TRPM8: variants seen among roughly 807,000 people sequenced by gnomAD.
TRPM8 encodes TRPM8 cationic channel.
A neutral mutation model predicts 133.7 loss-of-function variants in TRPM8; 110 were observed. That is an observed-to-expected ratio of 0.82 (90% CI 0.70 to 0.96). The LOEUF (loss-of-function observed/expected upper bound fraction) is 0.96. Ranked by LOEUF, TRPM8 falls within the 40% of genes least tolerant of loss-of-function variation. The pLI is 0.00. For missense variants in TRPM8, 1,291 were observed against 1,379.5 expected, an observed-to-expected ratio of 0.94 and a Z score of 1.02; for synonymous variants, 535 against 532.3, an observed-to-expected ratio of 1.01 and a Z score of -0.07.
At chr2:233,965,057 G>T (rs1388661058) in intron 14 of TRPM8, among the ~76,000 whole-genome samples, 4 of 126,722 alleles carry the variant, frequency 3.2e-5, no homozygotes, top group Non-Finnish European at 4.6e-5. Context: ...TTTTTGTGGG[G>T]GGGGGGGGTG....
chr2:233,977,004 A>G (rs1691887958), intron 17 of TRPM8, among the ~76,000 whole-genome samples: 1 of 152,136 alleles, frequency 6.6e-6, no homozygotes, highest in Non-Finnish European at 1.5e-5. Context: ...AAAAAAAGAA[A>G]AAAGAACCCA....
At chr2:233,936,891 C>CTTTTT (rs5839499) in intron 3 of TRPM8, among the ~76,000 whole-genome samples, 5 of 101,318 alleles carry the variant, frequency 4.9e-5, no homozygotes, top group African/African-American at 1.2e-4. Context: ...TCTTTCTTTC[C>CTTTTT]TTTTTTTTTT....
At chr2:233,985,622 G>A in intron 20 of TRPM8, 66 bp from the exon 21 acceptor site, 3 of 1,471,710 alleles carry the variant, frequency 2.0e-6, no homozygotes, top group Non-Finnish European at 2.8e-6. Context: ...TTGTGGCCCT[G>A]GGAATGCCAT....
At chr2:234,007,070 C>T (rs1692712625) in intron 23 of TRPM8, 118 bp downstream of exon 23, 1 of 666,408 alleles carries the variant, frequency 1.5e-6, no homozygotes, top group African/African-American at 1.8e-5. Flanking sequence ...AGAATAATAC[C>T]ACCACAAAGA....
chr2:233,955,686 A>G (rs1032206647), intron 11 of TRPM8, among the ~76,000 whole-genome samples: 1 of 152,028 alleles, frequency 6.6e-6, no homozygotes, highest in African/African-American at 2.4e-5. Context: ...TGATTAGAGA[A>G]CCGTCCGTAG....
chr2:233,957,040 T>A (rs1157687049), intron 11 of TRPM8, among the ~76,000 whole-genome samples: 2 of 152,204 alleles, frequency 1.3e-5, no homozygotes, highest in Non-Finnish European at 2.9e-5. Flanking sequence ...AGCCAGCCCA[T>A]CTGCATGACT....
At position 234,005,843 on chromosome 2, in the gene TRPM8, TGAGGTTGCAGGGAGGCA is replaced by T. The variant is rs1356529169; in HGVS notation, c.3131-999_3131-983del. ...GGAGAATCGCTTGAACCTAGGAGGC[TGAGGTTGCAGGGAGGCA>T]GAGGTTGCAGTGAGCCGAGATTGCA... On this transcript the variant is annotated intron_variant, in intron 22 of 25. Transcript: ENST00000324695. Among the ~76,000 whole-genome samples the T allele has an allele frequency of 2.6e-5, 4 of 151,250 alleles. No homozygotes were observed. The South Asian group carries it at 6.3e-4, about 24-fold the overall frequency.
chr2:234,009,667 C>G (rs1444090588), intron 24 of TRPM8, among the ~76,000 whole-genome samples: 1 of 152,132 alleles, frequency 6.6e-6, no homozygotes, highest in Admixed American at 6.6e-5. Context: ...CTTGCTCTGT[C>G]TCTTTTTTTA....
intron 18 of TRPM8, 43 bp from the exon 19 acceptor site, chr2:233,981,731 T>C: frequency 1.3e-6 from 2 of 1,553,514 alleles, no homozygotes; most frequent in Non-Finnish European, 1.7e-6. Flanking sequence ...TTTGGAATGT[T>C]TTGTCAATAT....
At chr2:233,963,141 GA>G in intron 12 of TRPM8, 140 bp from the exon 13 acceptor site, 1 of 462,506 alleles carries the variant, frequency 2.2e-6, no homozygotes. Context: ...TTGCAGAGAT[GA>G]AAATCCCATC....
chr2:233,983,177 A>C lies in TRPM8; in HGVS notation c.2714A>C (p.Tyr905Ser). ...RWRWIFRSVI[Y>S]EPYLAMFGQV... The stretch of plus-strand genomic sequence containing the variant: ...AGGTGGATATTCCGTTCGGTCATCT[A>C]CGAGCCCTACCTGGCCATGTTCGGC... The change falls in exon 20 of 26, where the codon TAC becomes TCC. Residue 905 changes from tyrosine (Y) to serine (S), a missense_variant. Around this residue, in one of 2 missense-constraint regions of TRPM8, gnomAD observed 328 missense variants for 410.6 expected, o/e 0.80. Coordinates refer to ENST00000324695, the MANE Select transcript of TRPM8 (RefSeq NM_024080.5). The C allele has an allele frequency of 6.2e-7, 1 of 1,614,160 alleles. No homozygotes were observed. Among genetic ancestry groups the C allele is most frequent in the East Asian group, 2.2e-5 (1 of 44,880 alleles).
chr2:233,937,257 G>T, intron 3 of TRPM8, 96 bp from the exon 4 acceptor site: 1 of 1,427,780 alleles, frequency 7.0e-7, no homozygotes, highest in Non-Finnish European at 9.6e-7. Context: ...AGACTTGAAG[G>T]TATCCTTTGT....
intron 12 of TRPM8, among the ~76,000 whole-genome samples, chr2:233,961,714 C>G (rs1691443982): frequency 6.6e-6 from 1 of 151,352 alleles, no homozygotes; most frequent in African/African-American, 2.4e-5. Flanking sequence ...ACTGCAACCT[C>G]CACTTCCCAG....
In TRPM8 at chr2:233,930,705, G is replaced by A. The variant is rs371215851; in HGVS notation, c.155G>A (p.Arg52Gln). The change falls in exon 3 of 26, where the codon CGA (arginine) becomes CAA (glutamine). Residue 52 changes from arginine to glutamine, a missense_variant. By Grantham distance (43) the Arg-to-Gln change is conservative. Coordinates refer to ENST00000324695, the MANE Select transcript of TRPM8 (RefSeq NM_024080.5). ...TTTATTCAAGCAAATTTTAAGAAAC[G>A]AGAATGTGTCTTCTTTACCAAAGAT... ...VNFIQANFKK[R>Q]ECVFFTKDSK... 7.5e-6 allele frequency: 12 copies of A among 1,608,926 alleles called. No homozygotes were observed. Among genetic ancestry groups the A allele is most frequent in the South Asian group, 1.1e-5 (1 of 90,482 alleles).
At chr2:233,935,203 TA>T (rs1413162126) in intron 3 of TRPM8, among the ~76,000 whole-genome samples, 13 of 152,232 alleles carry the variant, frequency 8.5e-5, no homozygotes, top group African/African-American at 3.1e-4. Flanking sequence ...ACAGAGAATA[TA>T]AGATAAAGAG....
chr2:233,955,344 A>C lies in TRPM8; in HGVS notation c.1362+94A>C, dbSNP rs993152802. The C allele has an allele frequency of 3.5e-6, 3 of 848,818 alleles. No individual in the cohort carries two copies. The African/African-American group carries it at 5.0e-5, about 14-fold the overall frequency. 52.6% of individuals were successfully genotyped at this position (848,818 alleles called of 1,614,324 possible). ...CATTTCCAACAAGGTCTTCAATACCAAATCTCTTAAAGGATTGTTCTGTTC... is the reference window on the plus strand; with the variant it reads ...CATTTCCAACAAGGTCTTCAATACCCAATCTCTTAAAGGATTGTTCTGTTC... On this transcript the variant is annotated intron_variant, in intron 11 of 25. Transcript: ENST00000324695.
chr2:233,945,979 G>A lies in TRPM8; in HGVS notation c.823G>A (p.Ala275Thr). ...NGCHGHPTVE[A>T]KLRNQLEKYI... ...CTGTCATGGACATCCCACTGTCGAAGCAAAGCTCCGGAATCAGCTAGAGAA... is the reference window on the plus strand; with the variant it reads ...CTGTCATGGACATCCCACTGTCGAAACAAAGCTCCGGAATCAGCTAGAGAA... The change falls in exon 7 of 26, where the codon GCA (alanine) becomes ACA (threonine). Residue 275 changes from alanine to threonine, a missense_variant. Around this residue, in one of 2 missense-constraint regions of TRPM8, gnomAD observed 963 missense variants for 968.9 expected, o/e 0.99. Coordinates refer to ENST00000324695, the MANE Select transcript of TRPM8 (RefSeq NM_024080.5). 1 of 1,614,166 alleles carries A rather than the reference G, an allele frequency of 6.2e-7. No homozygotes were observed. The highest frequency in any genetic ancestry group is 2.2e-5 in the East Asian group (1 of 44,872).
At chr2:233,930,881 A>G in intron 3 of TRPM8, 140 bp downstream of exon 3, 2 of 602,978 alleles carry the variant, frequency 3.3e-6, no homozygotes, top group Non-Finnish European at 5.8e-6. Context: ...TTTGCGCAGG[A>G]AGGATCTGGC....
intron 24 of TRPM8, chr2:234,013,158 C>T (rs1290133862): frequency 6.6e-6 from 1 of 152,066 alleles, no homozygotes; most frequent in Non-Finnish European, 1.5e-5. Flanking sequence ...TGTACTTGTT[C>T]CCTTTTCTAT....
Sources: allele counts gnomAD v4.1 joint callset (sites outside exome capture counted in the v4.1 genomes callset), GRCh38; gene constraint gnomAD v4.1.1; regional missense constraint gnomAD v4.1.1; transcripts MANE v1.5; gene names NCBI Gene and HGNC (gene_info 2026-07-23, HGNC 2026-07-21).